The following NUP210 variants were observed in gnomAD, a reference collection of about 807,000 sequenced individuals.
NUP210 encodes the protein nucleoporin 210.
Under a neutral mutation model 196.0 loss-of-function variants are expected in NUP210, and 151 were observed. The ratio of observed to expected loss-of-function variants is 0.77; its 90% CI spans 0.67 to 0.88. NUP210 has a LOEUF of 0.88. Ranked by LOEUF, NUP210 falls within the 40% of genes least tolerant of loss-of-function variation. The pLI, the probability that NUP210 is intolerant of heterozygous loss-of-function variation, is 0.00. For synonymous variants in NUP210, 1,070 were observed against 1,052.7 expected (o/e 1.02, Z -0.32); for missense variants, 2,314 against 2,493.7 (o/e 0.93, Z 1.53).
At position 13,407,643 on chromosome 3, in the gene NUP210, C is replaced by T. The variant is rs553929559; in HGVS notation, c.168-7782G>A. ...TGCTGGTCCCTCCACCTCACATGAC[C>T]TCTTGACCCACAGGTATGCTGTCCA... On this transcript the variant is annotated intron_variant, in intron 1 of 39. Coordinates refer to ENST00000254508, the MANE Select transcript of NUP210 (RefSeq NM_024923.4). 2.0e-5 allele frequency among the ~76,000 whole-genome samples: 3 copies of T among 152,276 alleles called. No individual in the cohort carries two copies. In the South Asian group the frequency reaches 6.2e-4, roughly 32 times the overall value.
chr3:13,321,214 G>T (rs1313044521), intron 36 of NUP210, among the ~76,000 whole-genome samples: 1 of 152,234 alleles, frequency 6.6e-6, no homozygotes, highest in South Asian at 2.1e-4. Context: ...GGAGAGAGGG[G>T]ACTTGTCCCA....
intron 13 of NUP210, among the ~76,000 whole-genome samples, chr3:13,369,665 T>C (rs1457569269): frequency 6.6e-6 from 1 of 152,242 alleles, no homozygotes; most frequent in East Asian, 1.9e-4. Context: ...ATTTGGTAAA[T>C]AGACTGTCCT....
chr3:13,359,605 G>A (rs778703428), intron 15 of NUP210, among the ~76,000 whole-genome samples: 24 of 152,066 alleles, frequency 1.6e-4, no homozygotes, highest in Non-Finnish European at 2.6e-4. Context: ...CCTGATTCCC[G>A]CCGAATACCC....
At chr3:13,403,167 A>T (rs1699895517) in intron 1 of NUP210, among the ~76,000 whole-genome samples, 1 of 152,226 alleles carries the variant, frequency 6.6e-6, no homozygotes, top group African/African-American at 2.4e-5. Context: ...GCATTTTCAG[A>T]GCTCACAGTC....
intron 28 of NUP210, among the ~76,000 whole-genome samples, chr3:13,335,063 C>T (rs953276313): frequency 1.3e-5 from 2 of 152,232 alleles, no homozygotes; most frequent in African/African-American, 2.4e-5. Context: ...CGTGCAAGGG[C>T]GCCCCAGCCT....
intron 13 of NUP210, among the ~76,000 whole-genome samples, chr3:13,370,047 G>C (rs986624788): frequency 7.9e-5 from 12 of 152,334 alleles, no homozygotes; most frequent in African/African-American, 2.9e-4. Flanking sequence ...AGCTGAGTAA[G>C]CTCCAGGGTG....
intron 29 of NUP210, 77 bp downstream of exon 29, chr3:13,332,216 G>T: frequency 8.4e-7 from 1 of 1,184,952 alleles, no homozygotes; most frequent in African/African-American, 1.5e-5. Flanking sequence ...CATGGCTCCT[G>T]ACAGTGTTGA....
At chr3:13,410,019 ATTTTTTTT>A (rs34707109) in intron 1 of NUP210, among the ~76,000 whole-genome samples, 2 of 138,024 alleles carry the variant, frequency 1.4e-5, no homozygotes, top group Admixed American at 7.3e-5. Context: ...CACCCAGCTA[ATTTTTTTT>A]TTTTTTTTTG....
At position 13,358,385 on chromosome 3, in the gene NUP210, A is replaced by G; in HGVS notation, c.2165T>C (p.Leu722Pro). Reference protein sequence around the residue: ...CQALGEQVIALSVGNKPSLTN... With the variant: ...CQALGEQVIAPSVGNKPSLTN... ...GAGGCTGGGCTTGTTCCCCACCGACAGGGCGATGACCTGGTAGGGCACAGT... is the reference window on the plus strand; with the variant it reads ...GAGGCTGGGCTTGTTCCCCACCGACGGGGCGATGACCTGGTAGGGCACAGT... The change falls in exon 16 of 40, where the codon CTG becomes CCG. Residue 722 changes from leucine to proline, a missense_variant. Transcript: ENST00000254508. The G allele has an allele frequency of 1.2e-6, 2 of 1,611,192 alleles. No homozygotes were observed. The highest frequency in any genetic ancestry group is 1.7e-6 in the Non-Finnish European group (2 of 1,178,234).
chr3:13,342,483 A>G (rs1292079122), intron 21 of NUP210, among the ~76,000 whole-genome samples: 1 of 152,232 alleles, frequency 6.6e-6, no homozygotes, highest in Non-Finnish European at 1.5e-5. Context: ...TTAGGAAATA[A>G]GAATCAGAAA....
chr3:13,376,965 A>G (rs1255150260), intron 9 of NUP210, among the ~76,000 whole-genome samples: 1 of 152,038 alleles, frequency 6.6e-6, no homozygotes, highest in East Asian at 1.9e-4. Context: ...ACTCCTGCAC[A>G]TTTCCTCATC....
At chr3:13,363,545 C>T (rs1402552932) in intron 14 of NUP210, among the ~76,000 whole-genome samples, 2 of 152,222 alleles carry the variant, frequency 1.3e-5, no homozygotes, top group African/African-American at 2.4e-5. Flanking sequence ...AGGTTAACAA[C>T]GCAGCTGATG....
At chr3:13,410,826 G>A (rs1194863594) in intron 1 of NUP210, among the ~76,000 whole-genome samples, 1 of 151,334 alleles carries the variant, frequency 6.6e-6, no homozygotes, top group African/African-American at 2.4e-5. Context: ...GCTGAGGCAG[G>A]AGAATGGTGT....
intron 2 of NUP210, among the ~76,000 whole-genome samples, chr3:13,399,377 C>A (rs1476455032): frequency 6.6e-6 from 1 of 151,012 alleles, no homozygotes; most frequent in East Asian, 1.9e-4. Flanking sequence ...AACTATTTTA[C>A]AACTAATATA....
Position 13,340,065 on chromosome 3 carries a change from G to T in NUP210, c.3292-32C>A, listed in dbSNP as rs368669124. 20 of 1,607,790 alleles carry T rather than the reference G, an allele frequency of 1.2e-5. No individual in the cohort carries two copies. The African/African-American group carries it at 1.7e-4, about 14-fold the overall frequency. On this transcript the variant is annotated intron_variant, in intron 24 of 39. Coordinates refer to ENST00000254508, the MANE Select transcript of NUP210 (RefSeq NM_024923.4). This position sits in a 1 kb window ranked among gnomAD's most constrained non-coding sequence, Gnocchi z 4.0. ...GGGGAGGAAACAGCGGCGTGTCAGT[G>T]CCCGTCATGCCAGGCAGCCCGCACC...
chr3:13,366,131 C>G, intron 13 of NUP210, 40 bp from the exon 14 acceptor site: 2 of 1,591,710 alleles, frequency 1.3e-6, no homozygotes. Context: ...CCTGAAATCA[C>G]TTTTTTCTTT....
At chr3:13,345,384 T>C (rs535278835) in intron 20 of NUP210, among the ~76,000 whole-genome samples, 2 of 152,270 alleles carry the variant, frequency 1.3e-5, no homozygotes, top group African/African-American at 4.8e-5. Flanking sequence ...CCAAATACCC[T>C]AACTCCCAGT....
Position 13,399,265 on chromosome 3 carries a change from C to CAAAA in NUP210, c.304+456_304+459dup, listed in dbSNP as rs35136269. On this transcript the variant is annotated intron_variant, in intron 2 of 39. Transcript: ENST00000254508. ...TGGGCGACAGAGCAAGACTCTGTCT[C>CAAAA]AAAAAAAAAAAAAAAAAAAAAAATC... 3.3e-3 allele frequency among the ~76,000 whole-genome samples: 217 copies of CAAAA among 65,282 alleles called. 9 individuals carry two copies. The highest frequency in any genetic ancestry group is 0.011 in the African/African-American group (205 of 18,166). The allele number at this position is 65,282 out of a possible 152,430, so 42.8% of individuals were successfully genotyped here.
chr3:13,343,721 C>T (rs1697612985), intron 20 of NUP210, among the ~76,000 whole-genome samples: 1 of 152,224 alleles, frequency 6.6e-6, no homozygotes, highest in East Asian at 1.9e-4. Context: ...GAGCTGGCCA[C>T]CTGCTGCTGC....
Sources: gnomAD v4.1 joint callset for allele counts (sites outside exome capture counted in the v4.1 genomes callset) on GRCh38, gnomAD v4.1.1 for gene constraint, Gnocchi (gnomAD v3.1) non-coding constraint, MANE v1.5 for transcripts, NCBI Gene and HGNC (gene_info 2026-07-23, HGNC 2026-07-21) for gene names.